The following ETV6 variants were observed in gnomAD, a reference collection of about 807,000 sequenced individuals.
ETV6 encodes the protein ETS variant transcription factor 6.
A neutral mutation model predicts 51.1 loss-of-function variants in ETV6; 16 were observed. The ratio of observed to expected loss-of-function variants is 0.31; its 90% CI spans 0.21 to 0.48. The LOEUF is 0.48. Among genes scored for constraint, ETV6 ranks in the 20% least tolerant of loss-of-function variants. ETV6 has a pLI of 0.99. For missense variants in ETV6, 458 were observed against 594.8 expected (o/e 0.77, Z 2.39); for synonymous variants, 240 against 224.1 (o/e 1.07, Z -0.64).
At chr12:11,814,381 G>T (rs771587251) in intron 2 of ETV6, among the ~76,000 whole-genome samples, 1 of 151,962 alleles carries the variant, frequency 6.6e-6, no homozygotes, top group Non-Finnish European at 1.5e-5. Flanking sequence ...AATACTTTGG[G>T]TTCAAACTAC....
chr12:11,801,734 C>G (rs987285882), intron 2 of ETV6, among the ~76,000 whole-genome samples: 1 of 152,198 alleles, frequency 6.6e-6, no homozygotes, highest in Non-Finnish European at 1.5e-5. Context: ...GAATCAAACT[C>G]AGATAGGCTA....
chr12:11,751,435 C>T, intron 1 of ETV6: 1 of 519,016 alleles, frequency 1.9e-6, no homozygotes, highest in Non-Finnish European at 3.8e-6. Flanking sequence ...AGTTAAACCA[C>T]AGACACTCCT....
intron 3 of ETV6, among the ~76,000 whole-genome samples, chr12:11,849,432 C>A (rs144480635): frequency 6.6e-6 from 1 of 152,016 alleles, no homozygotes; most frequent in African/African-American, 2.4e-5. Flanking sequence ...GTTAGTAACA[C>A]CTTTTAGATG....
At chr12:11,735,502 GC>G (rs2120995812) in intron 1 of ETV6, among the ~76,000 whole-genome samples, 1 of 152,320 alleles carries the variant, frequency 6.6e-6, no homozygotes, top group Non-Finnish European at 1.5e-5. Flanking sequence ...TAATTGAACA[GC>G]CCTTGCTTGG....
At chr12:11,860,892 C>T (rs1043961854) in intron 4 of ETV6, among the ~76,000 whole-genome samples, 1 of 152,182 alleles carries the variant, frequency 6.6e-6, no homozygotes, top group South Asian at 2.1e-4. Context: ...GCACCTTATA[C>T]GTAGGGAAGG....
intron 1 of ETV6, among the ~76,000 whole-genome samples, chr12:11,740,759 T>C (rs1040582194): frequency 1.3e-5 from 2 of 152,224 alleles, no homozygotes; most frequent in East Asian, 3.8e-4. Flanking sequence ...TAAACTACTT[T>C]TACCCTTCAG....
At chr12:11,695,910 T>C (rs2120815835) in intron 1 of ETV6, among the ~76,000 whole-genome samples, 1 of 152,310 alleles carries the variant, frequency 6.6e-6, no homozygotes, top group East Asian at 1.9e-4. Context: ...TTCTTCCTAA[T>C]CATCGACTCA....
intron 7 of ETV6, among the ~76,000 whole-genome samples, chr12:11,887,254 G>A (rs962908989): frequency 2.6e-5 from 4 of 152,070 alleles, no homozygotes; most frequent in East Asian, 1.9e-4. Flanking sequence ...TACCTTTTTC[G>A]TGGATGAACT....
rs1051779 is a variant in ETV6, at chr12:11,894,482, A to G, written c.*3436A>G. On this transcript the variant is annotated 3_prime_UTR_variant, in exon 8 of 8. Coordinates refer to ENST00000396373, the MANE Select transcript of ETV6 (RefSeq NM_001987.5). Reference sequence around the variant, plus strand: ...GCATCACCAATGTTCCAAATCCTTTAGGGAGATGAGGGTATCCCCACAGAA... The same window carrying G: ...GCATCACCAATGTTCCAAATCCTTTGGGGAGATGAGGGTATCCCCACAGAA... The G allele has an allele frequency of 0.44, 102,861 of 232,872 alleles. 23,088 individuals carry two copies. The highest frequency in any genetic ancestry group is 0.55 in the Admixed American group (9,762 of 17,794). The allele number at this position is 232,872 out of a possible 1,614,324, so 14.4% of individuals were successfully genotyped here.
chr12:11,686,915 T>A (rs143322073), intron 1 of ETV6, among the ~76,000 whole-genome samples: 1 of 152,152 alleles, frequency 6.6e-6, no homozygotes, highest in East Asian at 1.9e-4. Flanking sequence ...TTAGACAGAG[T>A]GTAACTCTCA....
chr12:11,872,932 A>G (rs1219385842), intron 5 of ETV6, among the ~76,000 whole-genome samples: 1 of 152,146 alleles, frequency 6.6e-6, no homozygotes, highest in East Asian at 1.9e-4. Flanking sequence ...CCGCTCTCTC[A>G]AGGGCACACA....
chr12:11,859,488 CTTG>C (rs935392327), intron 4 of ETV6, among the ~76,000 whole-genome samples: 7 of 152,076 alleles, frequency 4.6e-5, no homozygotes, highest in African/African-American at 1.7e-4. Flanking sequence ...TTATTGGGTC[CTTG>C]TTGTGTGCCG....
chr12:11,738,124 G>A (rs766040293), intron 1 of ETV6, among the ~76,000 whole-genome samples: 4 of 151,830 alleles, frequency 2.6e-5, no homozygotes, highest in South Asian at 4.2e-4. Flanking sequence ...GATTCCTTCC[G>A]GTGCAACATC....
At chr12:11,827,128 T>A (rs2136446085) in intron 2 of ETV6, among the ~76,000 whole-genome samples, 1 of 150,890 alleles carries the variant, frequency 6.6e-6, no homozygotes, top group East Asian at 2.0e-4. Flanking sequence ...AACACAATTA[T>A]CTTTAAATAG....
At chr12:11,752,808 T>TAAAA in intron 2 of ETV6, 1 of 378,568 alleles carries the variant, frequency 2.6e-6, no homozygotes, top group Non-Finnish European at 4.7e-6. Context: ...TATGACATGT[T>TAAAA]AAAAAAAAAA....
At chr12:11,816,221 A>G (rs1591693775) in intron 2 of ETV6, among the ~76,000 whole-genome samples, 1 of 152,212 alleles carries the variant, frequency 6.6e-6, no homozygotes, top group Non-Finnish European at 1.5e-5. Context: ...GAAAATATTT[A>G]AGCAAAAACA....
chr12:11,735,904 C>T (rs897617977), intron 1 of ETV6, among the ~76,000 whole-genome samples: 1 of 152,174 alleles, frequency 6.6e-6, no homozygotes, highest in Admixed American at 6.5e-5. Flanking sequence ...CCGGCCAGCT[C>T]GTCGCTTATT....
chr12:11,796,854 A>T (rs1175140139), intron 2 of ETV6, among the ~76,000 whole-genome samples: 1 of 151,134 alleles, frequency 6.6e-6, no homozygotes. Flanking sequence ...TGGCATGAAC[A>T]TGGCTCACTG....
At chr12:11,811,559 G>GAGCATTT (rs1945914410) in intron 2 of ETV6, among the ~76,000 whole-genome samples, 1 of 152,178 alleles carries the variant, frequency 6.6e-6, no homozygotes, top group Admixed American at 6.5e-5. Flanking sequence ...CATTTCACCA[G>GAGCATTT]AGCATTTAGC....
Sources: allele counts gnomAD v4.1 joint callset (sites outside exome capture counted in the v4.1 genomes callset), GRCh38; gene constraint gnomAD v4.1.1; transcripts MANE v1.5; gene names NCBI Gene and HGNC (gene_info 2026-07-23, HGNC 2026-07-21).